ADAMTS19: variants seen among roughly 807,000 people sequenced by gnomAD.
ADAMTS19 encodes the protein A disintegrin and metalloproteinase with thrombospondin motifs 19.
In ADAMTS19, 93 loss-of-function variants were observed where a neutral mutation model predicts 153.3. The ratio of observed to expected loss-of-function variants is 0.61; its 90% CI spans 0.51 to 0.72. The LOEUF is 0.72. Ranked by LOEUF, ADAMTS19 falls within the 30% of genes least tolerant of loss-of-function variation. The pLI is 0.00. For synonymous variants in ADAMTS19, 600 were observed against 556.6 expected, an observed-to-expected ratio of 1.08 and a Z score of -1.10; for missense variants, 1,482 against 1,552.1, an observed-to-expected ratio of 0.95 and a Z score of 0.76.
intron 2 of ADAMTS19, among the ~76,000 whole-genome samples, chr5:129,506,438 T>A (rs1010110733): frequency 5.3e-5 from 6 of 112,746 alleles, no homozygotes; most frequent in Non-Finnish European, 8.6e-5. Context: ...AGCTTTCTTG[T>A]TTTTTTTTTA....
intron 19 of ADAMTS19, among the ~76,000 whole-genome samples, chr5:129,696,453 A>T (rs1368269794): frequency 1.3e-5 from 2 of 152,184 alleles, no homozygotes; most frequent in Non-Finnish European, 2.9e-5. Flanking sequence ...CGAAGTTTGA[A>T]TTTCAAGGCT....
At chr5:129,707,074 TATAC>T in intron 21 of ADAMTS19, among the ~76,000 whole-genome samples, 1 of 152,338 alleles carries the variant, frequency 6.6e-6, no homozygotes, top group Non-Finnish European at 1.5e-5. Context: ...ACTACACGGA[TATAC>T]ATACATATGG....
chr5:129,483,752 G>A (rs568787327), intron 2 of ADAMTS19, among the ~76,000 whole-genome samples: 18 of 152,248 alleles, frequency 1.2e-4, no homozygotes, highest in South Asian at 2.1e-4. Context: ...ATGAAGAAAG[G>A]TGGCCATATT....
intron 9 of ADAMTS19, among the ~76,000 whole-genome samples, chr5:129,621,146 G>A (rs1751760409): frequency 6.6e-6 from 1 of 151,954 alleles, no homozygotes; most frequent in Admixed American, 6.6e-5. Context: ...CTTTTCGTTT[G>A]TAATACATCT....
intron 8 of ADAMTS19, among the ~76,000 whole-genome samples, chr5:129,605,815 G>T (rs1217724722): frequency 1.3e-5 from 2 of 152,112 alleles, no homozygotes; most frequent in Non-Finnish European, 2.9e-5. Flanking sequence ...CTTACCCACT[G>T]ATTGAGAACT....
At chr5:129,675,355 C>G (rs962964287) in intron 16 of ADAMTS19, among the ~76,000 whole-genome samples, 11 of 152,106 alleles carry the variant, frequency 7.2e-5, no homozygotes, top group Admixed American at 7.2e-4. Context: ...TGCCCCCACC[C>G]GTATTTCTGG....
intron 6 of ADAMTS19, among the ~76,000 whole-genome samples, 196 bp downstream of exon 6, chr5:129,528,873 CA>C (rs1465582447): frequency 6.6e-6 from 1 of 151,970 alleles, no homozygotes; most frequent in African/African-American, 2.4e-5. Flanking sequence ...GGCATATTGA[CA>C]AAAAATTTGG....
chr5:129,516,578 T>G (rs2126738862), intron 3 of ADAMTS19, among the ~76,000 whole-genome samples: 1 of 152,016 alleles, frequency 6.6e-6, no homozygotes, highest in Non-Finnish European at 1.5e-5. Context: ...TCCAACTTAT[T>G]GGCATATAGT....
At chr5:129,500,913 A>G (rs1043712432) in intron 2 of ADAMTS19, among the ~76,000 whole-genome samples, 2 of 152,206 alleles carry the variant, frequency 1.3e-5, no homozygotes, top group African/African-American at 2.4e-5. Flanking sequence ...AGATCGCATA[A>G]TGCTATTAAG....
chr5:129,567,304 C>T (rs1753751477), intron 7 of ADAMTS19, among the ~76,000 whole-genome samples: 1 of 152,178 alleles, frequency 6.6e-6, no homozygotes, highest in East Asian at 1.9e-4. Flanking sequence ...ATGTCTAGAA[C>T]ACAATTCAAA....
intron 6 of ADAMTS19, among the ~76,000 whole-genome samples, chr5:129,547,263 G>C (rs528025996): frequency 6.7e-6 from 1 of 150,314 alleles, no homozygotes; most frequent in African/African-American, 2.5e-5. Flanking sequence ...CAAGAAACCT[G>C]GGTAGCCTCT....
intron 21 of ADAMTS19, 76 bp downstream of exon 21, chr5:129,704,467 G>A (rs1276991730): frequency 4.0e-6 from 6 of 1,509,680 alleles, no homozygotes; most frequent in Admixed American, 2.0e-5. Context: ...TAACCACATA[G>A]CATGGAGTTT....
At chr5:129,484,223 A>G (rs1036053185) in intron 2 of ADAMTS19, among the ~76,000 whole-genome samples, 4 of 152,220 alleles carry the variant, frequency 2.6e-5, no homozygotes, top group East Asian at 1.9e-4. Flanking sequence ...AGATTACACA[A>G]TAAAAGCACA....
At chr5:129,473,979 C>T (rs1750145406) in intron 2 of ADAMTS19, among the ~76,000 whole-genome samples, 1 of 152,012 alleles carries the variant, frequency 6.6e-6, no homozygotes. Context: ...TTTTTTAGTT[C>T]ATTTACAGAA....
chr5:129,552,509 C>T (rs1350619895), intron 7 of ADAMTS19, among the ~76,000 whole-genome samples: 1 of 151,188 alleles, frequency 6.6e-6, no homozygotes, highest in Non-Finnish European at 1.5e-5. Flanking sequence ...TGTATCTATC[C>T]AAAGATACCC....
chr5:129,552,042 A>G (rs1443092223), intron 7 of ADAMTS19, 135 bp downstream of exon 7: 2 of 551,438 alleles, frequency 3.6e-6, no homozygotes, highest in Non-Finnish European at 6.2e-6. Flanking sequence ...TTTTCTACCT[A>G]TATGTTTAAT....
At chr5:129,478,949 T>C (rs2126666478) in intron 2 of ADAMTS19, among the ~76,000 whole-genome samples, 1 of 152,280 alleles carries the variant, frequency 6.6e-6, no homozygotes, top group African/African-American at 2.4e-5. Flanking sequence ...CAGAATATAA[T>C]AGCCACTGTT....
Position 129,704,417 on chromosome 5 carries a change from G to T in ADAMTS19, c.3312+26G>T, listed in dbSNP as rs1255677965. 2.5e-6 allele frequency: 4 copies of T among 1,604,796 alleles called. No homozygotes were observed. The African/African-American group carries it at 4.0e-5, about 16-fold the overall frequency. ...GTGAGAACCATTCTGTATATTCTCA[G>T]TAATAGGTTTCAATAATGTCAGCAT... is the stretch of plus-strand genomic sequence containing the variant. On this transcript the variant is annotated intron_variant, in intron 21 of 22. Transcript: ENST00000274487.
intron 7 of ADAMTS19, among the ~76,000 whole-genome samples, chr5:129,581,393 G>T (rs1224007775): frequency 1.3e-5 from 2 of 152,042 alleles, no homozygotes; most frequent in Non-Finnish European, 2.9e-5. Context: ...TTGCATCGGG[G>T]TATTTATAGT....
Sources: allele counts gnomAD v4.1 joint callset (sites outside exome capture counted in the v4.1 genomes callset), GRCh38; gene constraint gnomAD v4.1.1; transcripts MANE v1.5; gene names NCBI Gene and HGNC (gene_info 2026-07-23, HGNC 2026-07-21).